The following MYO18B variants were observed in gnomAD, a reference collection of about 807,000 sequenced individuals.
MYO18B encodes the protein myosin XVIIIB, also known as unconventional myosin-XVIIIb.
A neutral mutation model predicts 273.0 loss-of-function variants in MYO18B; 204 were observed. The ratio of observed to expected loss-of-function variants is 0.75; its 90% CI spans 0.67 to 0.84. The LOEUF is 0.84. MYO18B is among the 40% of genes least tolerant of loss of function. The pLI, the probability that MYO18B is intolerant of heterozygous loss-of-function variation, is 0.00. For synonymous variants in MYO18B, 1,330 were observed against 1,305.7 expected (o/e 1.02, Z -0.40); for missense variants, 3,212 against 3,287.6 (o/e 0.98, Z 0.56).
In MYO18B at chr22:25,798,064, A is replaced by C. The variant is rs544705080; in HGVS notation, c.2488A>C (p.Ile830Leu). The C allele has an allele frequency of 2.5e-6, 4 of 1,611,368 alleles. No homozygotes were observed. The East Asian group carries it at 8.9e-5, about 36-fold the overall frequency. ...GGCTGTTTGGCGGGTCCTGGCAGCC[A>C]TCTACCACCTGGGTGCGGCGGGGGC... Reference protein sequence around the residue: ...QRAVWRVLAAIYHLGAAGACK... With the variant: ...QRAVWRVLAALYHLGAAGACK... The change falls in exon 12 of 44, where the codon ATC (isoleucine) becomes CTC (leucine). Residue 830 changes from isoleucine (I) to leucine (L), a missense_variant. Transcript: ENST00000335473.
At chr22:25,972,179 C>T (rs2093042573) in intron 39 of MYO18B, among the ~76,000 whole-genome samples, 1 of 151,092 alleles carries the variant, frequency 6.6e-6, no homozygotes, top group Non-Finnish European at 1.5e-5. Context: ...ATATGACTCA[C>T]AGGTCATTAC....
chr22:25,828,588 T>C (rs1247883409), intron 14 of MYO18B, among the ~76,000 whole-genome samples, 188 bp from the exon 15 acceptor site: 1 of 151,810 alleles, frequency 6.6e-6, no homozygotes, highest in African/African-American at 2.4e-5. Flanking sequence ...GGGATAAGCC[T>C]ACTCACCCCC....
At chr22:25,884,210 G>C (rs1285997464) in intron 25 of MYO18B, among the ~76,000 whole-genome samples, 1 of 152,198 alleles carries the variant, frequency 6.6e-6, no homozygotes, top group Non-Finnish European at 1.5e-5. Context: ...AAAGTGCTGA[G>C]GGAGTTTGAT....
chr22:26,012,454 G>T (rs908442396), intron 42 of MYO18B, among the ~76,000 whole-genome samples: 1 of 152,206 alleles, frequency 6.6e-6, no homozygotes, highest in African/African-American at 2.4e-5. Flanking sequence ...AGGACATAAG[G>T]AGTCTTTTTA....
intron 42 of MYO18B, among the ~76,000 whole-genome samples, chr22:26,023,514 CCCT>C (rs946352242): frequency 6.6e-6 from 1 of 151,712 alleles, no homozygotes; most frequent in Admixed American, 6.6e-5. Flanking sequence ...CCCTCCTCCT[CCCT>C]CCTCCTCTTC....
chr22:25,812,441 A>C (rs1199205527), intron 12 of MYO18B, among the ~76,000 whole-genome samples: 1 of 152,074 alleles, frequency 6.6e-6, no homozygotes, highest in Non-Finnish European at 1.5e-5. Flanking sequence ...CCCAGAGTAC[A>C]TTTACTTCCC....
Position 25,773,762 on chromosome 22 carries a change from C to T in MYO18B, c.1869+1252C>T, listed in dbSNP as rs961741437. On this transcript the variant is annotated intron_variant, in intron 7 of 43. Coordinates refer to ENST00000335473, the MANE Select transcript of MYO18B (RefSeq NM_032608.7). ...ACAGGCATGAGCCACTGCGCCTGGC[C>T]GATTTGTATCTATTTTTTATGAACT... Among the ~76,000 whole-genome samples, 5 of 152,282 alleles carry T rather than the reference C, an allele frequency of 3.3e-5. 1 individual carries two copies. Among genetic ancestry groups the T allele is most frequent in the Middle Eastern group, 3.4e-3 (1 of 294 alleles).
At chr22:25,940,180 A>G (rs1275870518) in intron 34 of MYO18B, among the ~76,000 whole-genome samples, 1 of 152,204 alleles carries the variant, frequency 6.6e-6, no homozygotes, top group Non-Finnish European at 1.5e-5. Flanking sequence ...AATCAAAAGT[A>G]GCTCCCATAA....
chr22:25,796,907 C>T (rs1001267566), intron 11 of MYO18B, among the ~76,000 whole-genome samples: 5 of 152,180 alleles, frequency 3.3e-5, no homozygotes, highest in East Asian at 1.9e-4. Context: ...TTATCTTCTC[C>T]CCATCTCTAT....
At chr22:26,053,614 T>G in the MYO18B span, among the ~76,000 whole-genome samples, 1,254 of 152,340 alleles carry the variant, frequency 8.2e-3, 18 homozygotes, top group African/African-American at 0.028. Context: ...CCTAAAAATT[T>G]TCCTAGAGAG....
At chr22:25,865,235 AC>A (rs2090852396) in intron 21 of MYO18B, among the ~76,000 whole-genome samples, 1 of 152,210 alleles carries the variant, frequency 6.6e-6, no homozygotes, top group South Asian at 2.1e-4. Context: ...ATAATTTAAT[AC>A]CTGCACTTAC....
intron 43 of MYO18B, chr22:26,028,722 A>G (rs142465597): frequency 0.11 from 16,716 of 151,664 alleles, 1,138 homozygotes; most frequent in African/African-American, 0.19. Context: ...GTGAAACCCC[A>G]TCTCCACTAA....
At position 25,992,316 on chromosome 22, in the gene MYO18B, G is replaced by A. The variant is rs768574910; in HGVS notation, c.6157-47G>A. On this transcript the variant is annotated intron_variant, in intron 39 of 43. Transcript: ENST00000335473. ...CTTCCCCAGTGCATGCATGGGTGGT[G>A]CATTTCTTGCCCAAGGCCAACGTGT... is the stretch of plus-strand genomic sequence containing the variant. 1.5e-5 allele frequency: 24 copies of A among 1,607,336 alleles called. No individual in the cohort carries two copies. The East Asian group carries it at 5.4e-4, about 36-fold the overall frequency.
rs931605018 is a variant in MYO18B at position 25,999,685 on chromosome 22, T to G, written c.6288-3580T>G. Among the ~76,000 whole-genome samples the G allele has an allele frequency of 2.5e-5, 3 of 119,676 alleles. No individual in the cohort carries two copies. The East Asian group carries it at 6.2e-4, about 25-fold the overall frequency. The allele number at this position is 119,676 out of a possible 152,430, so 78.5% of individuals were successfully genotyped here. A position where few individuals can be genotyped will look rare whatever the true frequency, so the allele number is the denominator to read the frequency against. On this transcript the variant is annotated intron_variant, in intron 40 of 43. Transcript: ENST00000335473. Reference sequence around the variant, plus strand: ...CCTCCTTCTCCATCTTCTTCTCCTCTCACTCTGTCACCCAGGCTGGAGTGC... The same window carrying G: ...CCTCCTTCTCCATCTTCTTCTCCTCGCACTCTGTCACCCAGGCTGGAGTGC...
chr22:26,009,623 G>T (rs1934721080), intron 42 of MYO18B, among the ~76,000 whole-genome samples: 1 of 152,122 alleles, frequency 6.6e-6, no homozygotes, highest in South Asian at 2.1e-4. Context: ...ACATTCTCTA[G>T]TCTTTATATT....
intron 31 of MYO18B, among the ~76,000 whole-genome samples, chr22:25,904,959 A>T (rs1419518776): frequency 7.2e-6 from 1 of 139,314 alleles, no homozygotes; most frequent in South Asian, 2.3e-4. Context: ...AAAAAAAAAA[A>T]TTTCTAGGGG....
Position 25,879,048 on chromosome 22 carries a change from A to G in MYO18B, c.4314+1000A>G, listed in dbSNP as rs117979867. ...TTTGTGATATTAAAAACGAGCTCCCAAGAGTGAAAATGAATGAAGAGACAG... is the reference window on the plus strand; with the variant it reads ...TTTGTGATATTAAAAACGAGCTCCCGAGAGTGAAAATGAATGAAGAGACAG... On this transcript the variant is annotated intron_variant, in intron 25 of 43. Coordinates refer to ENST00000335473, the MANE Select transcript of MYO18B (RefSeq NM_032608.7). 5.4e-3 allele frequency among the ~76,000 whole-genome samples: 817 copies of G among 152,352 alleles called. 39 individuals are homozygous for G. In the South Asian group the frequency reaches 0.098, roughly 18 times the overall value.
At chr22:25,943,303 C>T (rs1252098880) in intron 34 of MYO18B, among the ~76,000 whole-genome samples, 1 of 152,172 alleles carries the variant, frequency 6.6e-6, no homozygotes, top group African/African-American at 2.4e-5. Context: ...ACTTCCACCC[C>T]TTCCACCCCG....
At chr22:25,748,105 C>T (rs754605851) in intron 1 of MYO18B, among the ~76,000 whole-genome samples, 44 of 152,114 alleles carry the variant, frequency 2.9e-4, no homozygotes, top group Non-Finnish European at 5.1e-4. Flanking sequence ...AAACTAGGAG[C>T]CATGTCCCCT....
Sources: allele counts gnomAD v4.1 joint callset (sites outside exome capture counted in the v4.1 genomes callset), GRCh38; gene constraint gnomAD v4.1.1; transcripts MANE v1.5; gene names NCBI Gene and HGNC (gene_info 2026-07-23, HGNC 2026-07-21).